Variants in NUDCD1 observed in about 807,000 individuals in gnomAD.
NUDCD1 encodes NudC domain containing 1.
In NUDCD1, 60 loss-of-function variants were observed where a neutral mutation model predicts 67.8. That is an observed-to-expected ratio of 0.88 (90% CI 0.72 to 1.10). The LOEUF (loss-of-function observed/expected upper bound fraction) is 1.10, where lower values mean the gene tolerates loss of function less well. NUDCD1 is among the 50% of genes least tolerant of loss of function. The probability of loss-of-function intolerance (pLI) is 0.00; values close to 1 mark genes in which losing one functional copy is unlikely to be tolerated. For synonymous variants in NUDCD1, 244 were observed against 230.8 expected (o/e 1.06, Z -0.52); for missense variants, 643 against 695.0 (o/e 0.93, Z 0.84).
chr8:109,273,297 C>T (rs1814201404), intron 7 of NUDCD1, among the ~76,000 whole-genome samples: 1 of 151,998 alleles, frequency 6.6e-6, no homozygotes, highest in Non-Finnish European at 1.5e-5. Context: ...AAAGTTTTGC[C>T]TTAGGTGTAA....
intron 1 of NUDCD1, among the ~76,000 whole-genome samples, chr8:109,324,530 A>G (rs1815623117): frequency 6.6e-6 from 1 of 152,194 alleles, no homozygotes; most frequent in Admixed American, 6.5e-5. Flanking sequence ...TATAACTACT[A>G]TACCACAATA....
At chr8:109,321,970 G>C (rs1243279125) in intron 2 of NUDCD1, among the ~76,000 whole-genome samples, 1 of 151,950 alleles carries the variant, frequency 6.6e-6, no homozygotes, top group African/African-American at 2.4e-5. Flanking sequence ...AATACATAAA[G>C]TAAAAACTAA....
In NUDCD1 at chr8:109,245,313, G is replaced by C; in HGVS notation, c.1459+9C>G. The C allele has an allele frequency of 6.2e-7, 1 of 1,605,958 alleles. No individual in the cohort carries two copies. Among genetic ancestry groups the C allele is most frequent in the Non-Finnish European group, 8.5e-7 (1 of 1,176,268 alleles). The stretch of plus-strand genomic sequence containing the variant: ...TTTCATGGAAAATGTCAAAGAGTTT[G>C]CTTTATACCTAAAGCATTGAAAGTT... On this transcript the variant is annotated intron_variant, in intron 9 of 9. Coordinates refer to ENST00000239690, the MANE Select transcript of NUDCD1 (RefSeq NM_032869.4).
At chr8:109,304,891 T>C (rs1815068383) in intron 2 of NUDCD1, among the ~76,000 whole-genome samples, 1 of 152,204 alleles carries the variant, frequency 6.6e-6, no homozygotes, top group East Asian at 1.9e-4. Context: ...AACTTCCACC[T>C]ATCAATCCCT....
At chr8:109,310,810 C>CT (rs59611956) in intron 2 of NUDCD1, among the ~76,000 whole-genome samples, 16,636 of 75,276 alleles carry the variant, frequency 0.22, 2,263 homozygotes, top group Middle Eastern at 0.29. Context: ...ATAGACAATT[C>CT]TTTTTTTTTT....
intron 8 of NUDCD1, among the ~76,000 whole-genome samples, chr8:109,258,189 G>T (rs572247131): frequency 2.0e-4 from 31 of 152,058 alleles, no homozygotes; most frequent in African/African-American, 6.3e-4. Flanking sequence ...ATCTGTAACT[G>T]ATTTTTGCAT....
At chr8:109,252,577 CT>C (rs1202317218) in intron 8 of NUDCD1, among the ~76,000 whole-genome samples, 3 of 152,184 alleles carry the variant, frequency 2.0e-5, no homozygotes, top group African/African-American at 7.2e-5. Flanking sequence ...AAAGAAGATC[CT>C]TTAAGTGTGA....
intron 2 of NUDCD1, chr8:109,313,744 T>A: frequency 2.0e-6 from 1 of 492,832 alleles, no homozygotes; most frequent in Non-Finnish European, 3.8e-6. Flanking sequence ...TAAATTACTA[T>A]TCTTCATTTT....
intron 8 of NUDCD1, among the ~76,000 whole-genome samples, chr8:109,257,383 A>C (rs1289677517): frequency 1.3e-5 from 2 of 152,172 alleles, no homozygotes; most frequent in African/African-American, 2.4e-5. Flanking sequence ...GAATTCCAAA[A>C]TACAAAATAT....
intron 1 of NUDCD1, among the ~76,000 whole-genome samples, chr8:109,330,157 G>C (rs1455051405): frequency 1.3e-5 from 2 of 152,190 alleles, no homozygotes; most frequent in African/African-American, 2.4e-5. Context: ...GAAATTGCCG[G>C]ATCAAAAGAC....
Position 109,278,567 on chromosome 8 carries a change from C to G in NUDCD1, c.1028+2401G>C, listed in dbSNP as rs535412542. Among the ~76,000 whole-genome samples the G allele has an allele frequency of 2.0e-5, 3 of 152,286 alleles. No individual in the cohort carries two copies. In the South Asian group the frequency reaches 6.2e-4, roughly 32 times the overall value. On this transcript the variant is annotated intron_variant, in intron 6 of 9. Transcript: ENST00000239690. ...CTTGGCCTTTCTTCAGTCAATCTCC[C>G]TACACCCTAGAGATAACAAGTGTTC...
intron 2 of NUDCD1, among the ~76,000 whole-genome samples, chr8:109,308,170 A>C (rs1214212585): frequency 6.6e-6 from 1 of 152,228 alleles, no homozygotes; most frequent in Non-Finnish European, 1.5e-5. Context: ...CACAGAATAT[A>C]CATTCTATTC....
At chr8:109,270,380 A>AAGG (rs1216438682) in intron 8 of NUDCD1, among the ~76,000 whole-genome samples, 1 of 152,110 alleles carries the variant, frequency 6.6e-6, no homozygotes, top group African/African-American at 2.4e-5. Context: ...ATTAATAATG[A>AAGG]TCAAACAAAA....
At chr8:109,326,585 T>C (rs1815687560) in intron 1 of NUDCD1, among the ~76,000 whole-genome samples, 2 of 152,190 alleles carry the variant, frequency 1.3e-5, no homozygotes, top group African/African-American at 4.8e-5. Flanking sequence ...AAATATTTTA[T>C]TATTTAATGA....
chr8:109,244,339 C>T (rs2980588), intron 9 of NUDCD1, among the ~76,000 whole-genome samples: 75,978 of 151,682 alleles, frequency 0.5, 20,444 homozygotes, highest in African/African-American at 0.69. Context: ...ATAGAATTCC[C>T]CTATAATAGG....
At chr8:109,327,818 T>TA in intron 1 of NUDCD1, among the ~76,000 whole-genome samples, 1 of 152,192 alleles carries the variant, frequency 6.6e-6, no homozygotes, top group Non-Finnish European at 1.5e-5. Flanking sequence ...AATAAACAAA[T>TA]AAAAAAGGCT....
At chr8:109,253,745 A>T (rs921401891) in intron 8 of NUDCD1, among the ~76,000 whole-genome samples, 1 of 152,238 alleles carries the variant, frequency 6.6e-6, no homozygotes, top group African/African-American at 2.4e-5. Context: ...TGACTAAAAT[A>T]ACTAGTTTTG....
chr8:109,277,161 GA>G (rs1381127785), intron 6 of NUDCD1, among the ~76,000 whole-genome samples: 4 of 151,812 alleles, frequency 2.6e-5, no homozygotes, highest in Admixed American at 2.6e-4. Flanking sequence ...TTACAAGTAA[GA>G]AAAAAAAGTA....
In NUDCD1 at chr8:109,317,568, T is replaced by C. The variant is rs899717100; in HGVS notation, c.273+4741A>G. 2.7e-5 allele frequency among the ~76,000 whole-genome samples: 4 copies of C among 150,022 alleles called. 1 individual carries two copies. The highest frequency in any genetic ancestry group is 5.9e-5 in the Non-Finnish European group (4 of 68,028). On this transcript the variant is annotated intron_variant, in intron 2 of 9. Coordinates refer to ENST00000239690, the MANE Select transcript of NUDCD1 (RefSeq NM_032869.4). ...AGGATCCACAGGATCCATTGTTCTG[T>C]GGATTAAACAGTTAGTACGTGTAAA...
Sources: allele counts gnomAD v4.1 joint callset (sites outside exome capture counted in the v4.1 genomes callset), GRCh38; gene constraint gnomAD v4.1.1; transcripts MANE v1.5; gene names NCBI Gene and HGNC (gene_info 2026-07-23, HGNC 2026-07-21).